The following CIAO3 variants were observed in gnomAD, a reference collection of about 807,000 sequenced individuals.
CIAO3 encodes the protein cytosolic iron-sulfur assembly component 3.
A neutral mutation model predicts 51.5 loss-of-function variants in CIAO3; 45 were observed. That is an observed-to-expected ratio of 0.87 (90% CI 0.69 to 1.12). The LOEUF (loss-of-function observed/expected upper bound fraction) is 1.12. CIAO3 is among the 50% of genes most tolerant of loss of function. The pLI is 0.00. For missense variants in CIAO3, 668 were observed against 632.5 expected, an observed-to-expected ratio of 1.06 and a Z score of -0.60; for synonymous variants, 314 against 269.3, an observed-to-expected ratio of 1.17 and a Z score of -1.63.
In CIAO3 at chr16:734,342, T is replaced by C; in HGVS notation, c.580A>G (p.Ile194Val). Residue 194 changes from isoleucine (I) to valine (V), a missense_variant, in exon 6 of 11, where the codon ATC becomes GTC. Transcript: ENST00000251588. The part of the protein sequence containing the change: ...PLLASACPGW[I>V]CYAEKTHGSF... ...CCGTGAGTCTTCTCGGCATAGCAGATCCAGCCTGAGGTGACAGGGGGCACA... is the reference window on the plus strand; with the variant it reads ...CCGTGAGTCTTCTCGGCATAGCAGACCCAGCCTGAGGTGACAGGGGGCACA... 6.2e-7 allele frequency: 1 copy of C among 1,609,360 alleles called. No homozygotes were observed. The highest frequency in any genetic ancestry group is 1.1e-5 in the South Asian group (1 of 91,028).
chr16:739,818 C>G, intron 1 of CIAO3, 80 bp from the exon 2 acceptor site: 1 of 1,436,350 alleles, frequency 7.0e-7, no homozygotes, highest in Non-Finnish European at 9.7e-7. Flanking sequence ...AGGATGGCTG[C>G]CCAGCCGCAC....
rs1282644578 is a variant in CIAO3 at position 737,360 on chromosome 16, G to T, written c.163-31C>A. The T allele has an allele frequency of 6.2e-7, 1 of 1,611,140 alleles. No individual in the cohort carries two copies. Among genetic ancestry groups the T allele is most frequent in the Non-Finnish European group, 8.5e-7 (1 of 1,179,224 alleles). On this transcript the variant is annotated intron_variant, in intron 2 of 10. Transcript: ENST00000251588. The surrounding 1 kb of genome is among the most constrained non-coding windows in gnomAD (Gnocchi z 5.3). ...AGGGAGAAGAACCCGGTGCACAGGG[G>T]CCCCCTCTGCACGAGGACATGGAGA...
At chr16:731,826 A>G in intron 8 of CIAO3, 124 bp from the exon 9 acceptor site, 1 of 1,270,900 alleles carries the variant, frequency 7.9e-7, no homozygotes, top group East Asian at 2.7e-5. Flanking sequence ...ACAGACACAG[A>G]GGAACAGCTC....
At position 737,569 on chromosome 16, in the gene CIAO3, C is replaced by T; in HGVS notation, c.163-240G>A. ...TGGTTAGTGCATCCGAATCACAGGA[C>T]TAAGGCTTGCCACTGGTATCTCAGC... On this transcript the variant is annotated intron_variant, in intron 2 of 10. Transcript: ENST00000251588. The surrounding 1 kb of genome is among the most constrained non-coding windows in gnomAD (Gnocchi z 5.3). 6.8e-7 allele frequency: 1 copy of T among 1,475,780 alleles called. No homozygotes were observed. Among genetic ancestry groups the T allele is most frequent in the African/African-American group, 1.4e-5 (1 of 71,810 alleles). 91.4% of individuals were successfully genotyped at this position (1,475,780 alleles called of 1,614,324 possible).
At position 730,179 on chromosome 16, in the gene CIAO3, G is replaced by T; in HGVS notation, c.*238C>A. ...AACGGAACAGGCTCTGGGACCTCAG[G>T]GAACCTTCTGCTGCCTGGGCCACCC... On this transcript the variant is annotated 3_prime_UTR_variant, in exon 11 of 11. Transcript: ENST00000251588. 1.7e-6 allele frequency: 1 copy of T among 585,728 alleles called. No homozygotes were observed. The highest frequency in any genetic ancestry group is 3.0e-5 in the Admixed American group (1 of 33,032). 36.3% of individuals were successfully genotyped at this position (585,728 alleles called of 1,614,324 possible). A position where few individuals can be genotyped will look rare whatever the true frequency, so the allele number is the denominator to read the frequency against.
At chr16:738,428 A>C (rs1293398658) in intron 2 of CIAO3, 4 of 672,140 alleles carry the variant, frequency 6.0e-6, no homozygotes, top group Non-Finnish European at 7.3e-6. Flanking sequence ...GGCTCACTGC[A>C]AACTCCGCCT....
rs1049149038 is a variant in CIAO3, at chr16:737,919, C to A, written c.163-590G>T. 5 of 1,181,740 alleles carry A rather than the reference C, an allele frequency of 4.2e-6. No individual in the cohort carries two copies. The African/African-American group carries it at 8.0e-5, about 19-fold the overall frequency. The allele number at this position is 1,181,740 out of a possible 1,614,324, so 73.2% of individuals were successfully genotyped here. ...ATGCAAAACGCACCCAGCTCGAGCT[C>A]CCCCAACTTCTCCTGCAAAGGCAGG... On this transcript the variant is annotated intron_variant, in intron 2 of 10. Coordinates refer to ENST00000251588, the MANE Select transcript of CIAO3 (RefSeq NM_022493.3). This position sits in a 1 kb window ranked among gnomAD's most constrained non-coding sequence, Gnocchi z 5.3.
At chr16:732,200 C>T in intron 8 of CIAO3, 101 bp downstream of exon 8, 3 of 1,299,452 alleles carry the variant, frequency 2.3e-6, no homozygotes, top group Non-Finnish European at 3.2e-6. Context: ...CTGTGGACGC[C>T]AAGATGGGCT....
chr16:738,037 C>T, intron 2 of CIAO3: 2 of 1,107,316 alleles, frequency 1.8e-6, no homozygotes, highest in Non-Finnish European at 2.2e-6. Flanking sequence ...GAACCCCTCG[C>T]AGCCCAGCTC....
intron 7 of CIAO3, chr16:732,837 C>T (rs2041299302): frequency 3.1e-6 from 1 of 324,604 alleles, no homozygotes; most frequent in South Asian, 2.6e-5. Context: ...GGGGTTTCAT[C>T]ATCTCGGCCA....
In CIAO3 at chr16:730,407, CCT is replaced by C. The variant is rs2041260447; in HGVS notation, c.*8_*9del. 5 of 1,598,242 alleles carry C rather than the reference CCT, an allele frequency of 3.1e-6. No individual in the cohort carries two copies. The highest frequency in any genetic ancestry group is 4.2e-6 in the Non-Finnish European group (5 of 1,178,242). ...GACACGGCCTCCTGGGAGTCCTGGT[CCT>C]GCAGCCCCTACCACCGGATGCCCAG... On this transcript the variant is annotated 3_prime_UTR_variant, in exon 11 of 11. Transcript: ENST00000251588.
chr16:740,342 C>T (rs1329083499), intron 1 of CIAO3: 17 of 350,652 alleles, frequency 4.8e-5, no homozygotes, highest in Non-Finnish European at 7.9e-5. Flanking sequence ...AGCTGTCCGG[C>T]CCACCAGGGC....
intron 1 of CIAO3, chr16:739,978 G>C: frequency 6.7e-7 from 1 of 1,484,976 alleles, no homozygotes; most frequent in Non-Finnish European, 9.0e-7. Context: ...AGTGCTAACA[G>C]CGCCTGCAAA....
At chr16:734,073 G>A (rs911729195) in intron 6 of CIAO3, 156 bp downstream of exon 6, 3 of 675,482 alleles carry the variant, frequency 4.4e-6, no homozygotes, top group Non-Finnish European at 7.8e-6. Flanking sequence ...AGAAGAGGAA[G>A]GGCCTGAACC....
intron 8 of CIAO3, chr16:731,930 G>A (rs778914600): frequency 6.5e-5 from 38 of 580,258 alleles, no homozygotes; most frequent in South Asian, 6.0e-4. Flanking sequence ...GTGCAGTGGC[G>A]TGATCTTGGC....
At chr16:732,228 G>A (rs1448110505) in intron 8 of CIAO3, 73 bp downstream of exon 8, 2 of 1,483,826 alleles carry the variant, frequency 1.3e-6, no homozygotes, top group African/African-American at 2.8e-5. Context: ...GGCAAGCCCA[G>A]AGCAGGGGGA....
At chr16:734,547 C>A in intron 5 of CIAO3, 190 bp downstream of exon 5, 1 of 1,072,990 alleles carries the variant, frequency 9.3e-7, no homozygotes, top group African/African-American at 1.5e-5. Flanking sequence ...GAGGTGACTG[C>A]GCGTGGCTCC....
intron 5 of CIAO3, 25 bp from the exon 6 acceptor site, chr16:734,372 G>T (rs1464851757): frequency 6.5e-7 from 1 of 1,547,452 alleles, no homozygotes; most frequent in Non-Finnish European, 8.8e-7. Context: ...GGCACACGGG[G>T]CTGGCGGGGG....
At position 731,092 on chromosome 16, in the gene CIAO3, C is replaced by G. The variant is rs2041274453; in HGVS notation, c.1035-92G>C. ...AGGCCTGCTGGGCTTCAGGGGATGA[C>G]CGGGTACCTCCCAGGGCTCTCTCCC... On this transcript the variant is annotated intron_variant, in intron 9 of 10. Coordinates refer to ENST00000251588, the MANE Select transcript of CIAO3 (RefSeq NM_022493.3). 1.2e-5 allele frequency: 18 copies of G among 1,509,198 alleles called. 1 individual carries two copies. In the Admixed American group the frequency reaches 1.5e-4, roughly 12 times the overall value. The allele number at this position is 1,509,198 out of a possible 1,614,324, so 93.5% of individuals were successfully genotyped here.
Sources: gnomAD v4.1 joint callset for allele counts on GRCh38, gnomAD v4.1.1 for gene constraint, Gnocchi (gnomAD v3.1) non-coding constraint, MANE v1.5 for transcripts, NCBI Gene and HGNC (gene_info 2026-07-23, HGNC 2026-07-21) for gene names.